TP63: variants seen among roughly 807,000 people sequenced by gnomAD.
TP63 encodes the protein tumor protein p63, also known as tumor protein 63.
TP63 carries 17 observed loss-of-function variants against 82.8 expected under a neutral mutation model. The ratio of observed to expected loss-of-function variants is 0.21; its 90% CI spans 0.14 to 0.31. The LOEUF (loss-of-function observed/expected upper bound fraction) is 0.31. TP63 is among the 10% of genes least tolerant of loss of function. TP63 has a pLI of 1.00. For missense variants in TP63, 648 were observed against 895.3 expected (o/e 0.72, Z 3.52); for synonymous variants, 330 against 321.7 (o/e 1.03, Z -0.28).
Position 189,867,809 on chromosome 3 carries a change from A to G in TP63, c.883-24A>G, listed in dbSNP as rs368829847. 72 of 1,602,152 alleles carry G rather than the reference A, an allele frequency of 4.5e-5. No individual in the cohort carries two copies. The African/African-American group carries it at 8.3e-4, about 18-fold the overall frequency. On this transcript the variant is annotated intron_variant, in intron 6 of 13. Transcript: ENST00000264731. ...CGTCAGTTTAAACCCTTGTTAACACAGATTATTTACCCCTTGTTTTCAGGT... is the reference window on the plus strand; with the variant it reads ...CGTCAGTTTAAACCCTTGTTAACACGGATTATTTACCCCTTGTTTTCAGGT...
intron 1 of TP63, among the ~76,000 whole-genome samples, chr3:189,632,154 T>G (rs1163443229): frequency 6.6e-6 from 1 of 152,280 alleles, no homozygotes; most frequent in South Asian, 2.1e-4. Context: ...TTAGTGAGGG[T>G]GCACAATTGT....
intron 3 of TP63, among the ~76,000 whole-genome samples, chr3:189,772,348 A>ATCC (rs1723442368): frequency 6.6e-6 from 1 of 152,202 alleles, no homozygotes; most frequent in Non-Finnish European, 1.5e-5. Flanking sequence ...CGCATTGCTA[A>ATCC]TTGGTGATGG....
At chr3:189,683,408 G>A (rs1415288428) in intron 1 of TP63, among the ~76,000 whole-genome samples, 1 of 152,196 alleles carries the variant, frequency 6.6e-6, no homozygotes, top group Non-Finnish European at 1.5e-5. Context: ...GCTGCCTTGT[G>A]AAGCTCCTAC....
chr3:189,710,178 C>A (rs930145998), intron 1 of TP63, among the ~76,000 whole-genome samples: 2 of 152,088 alleles, frequency 1.3e-5, no homozygotes. Context: ...AGAAAACATA[C>A]CTTCACTGTG....
chr3:189,875,689 G>A (rs78411277), intron 10 of TP63, among the ~76,000 whole-genome samples: 18,048 of 137,012 alleles, frequency 0.13, 1,535 homozygotes, highest in South Asian at 0.21. Context: ...AGATAAATGC[G>A]TGGATCTCCT....
chr3:189,846,611 GGTGTGTGT>G (rs71861936), intron 4 of TP63, among the ~76,000 whole-genome samples: 18 of 141,256 alleles, frequency 1.3e-4, no homozygotes, highest in African/African-American at 1.9e-4. Flanking sequence ...TGGCCAGTAG[GGTGTGTGT>G]GTGTGTGTGT....
intron 4 of TP63, 41 bp from the exon 5 acceptor site, chr3:189,864,191 G>A (rs1164691610): frequency 9.3e-6 from 15 of 1,612,504 alleles, no homozygotes; most frequent in Non-Finnish European, 1.2e-5. Context: ...TCTCCTGTTG[G>A]TTCTCTCCTT....
chr3:189,726,954 TCTG>T (rs1443248023), intron 1 of TP63, among the ~76,000 whole-genome samples: 1 of 152,232 alleles, frequency 6.6e-6, no homozygotes, highest in African/African-American at 2.4e-5. Flanking sequence ...ACTCCTGAAT[TCTG>T]CTGTTGTAGC....
At position 189,896,809 on chromosome 3, in the gene TP63, C is replaced by CCCCT. The variant is rs1721507774; in HGVS notation, c.*2307_*2308insCCCT. The stretch of plus-strand genomic sequence containing the variant: ...TACTCTCCTTGAGTGTATGAGTAGC[C>CCCCT]AGGGTAAGGGGTAAAAGGATAGTAA... On this transcript the variant is annotated 3_prime_UTR_variant, in exon 14 of 14. Transcript: ENST00000264731. 1 of 209,272 alleles carries CCCCT rather than the reference C, an allele frequency of 4.8e-6. No homozygotes were observed. The highest frequency in any genetic ancestry group is 9.7e-6 in the Non-Finnish European group (1 of 102,616). 13.0% of individuals were successfully genotyped at this position (209,272 alleles called of 1,614,324 possible).
intron 10 of TP63, among the ~76,000 whole-genome samples, chr3:189,876,345 A>G (rs978128770): frequency 2.0e-5 from 3 of 152,100 alleles, no homozygotes; most frequent in African/African-American, 4.8e-5. Flanking sequence ...ACCGGCTCAC[A>G]TTGCTCTAAA....
intron 1 of TP63, among the ~76,000 whole-genome samples, chr3:189,680,918 G>A (rs1715852016): frequency 6.6e-6 from 1 of 152,150 alleles, no homozygotes; most frequent in Non-Finnish European, 1.5e-5. Flanking sequence ...TGGAGTCTGG[G>A]TCTGCAAGGG....
At chr3:189,814,339 T>C (rs1363344156) in intron 4 of TP63, among the ~76,000 whole-genome samples, 1 of 152,166 alleles carries the variant, frequency 6.6e-6, no homozygotes, top group African/African-American at 2.4e-5. Flanking sequence ...TGGAAGCACT[T>C]CCCCCATTAA....
intron 1 of TP63, among the ~76,000 whole-genome samples, chr3:189,715,309 G>C (rs989323776): frequency 6.6e-6 from 1 of 152,176 alleles, no homozygotes; most frequent in African/African-American, 2.4e-5. Flanking sequence ...TGTGTGAGAA[G>C]GCTGATTATA....
upstream of TP63, among the ~76,000 whole-genome samples, chr3:189,629,368 G>A (rs572979795): frequency 6.6e-5 from 10 of 152,176 alleles, no homozygotes; most frequent in African/African-American, 2.4e-4. Context: ...GGGTGACAGT[G>A]CAAGAAGCTG....
the TP63 span, among the ~76,000 whole-genome samples, chr3:189,609,079 T>C: frequency 6.6e-6 from 1 of 152,212 alleles, no homozygotes; most frequent in Non-Finnish European, 1.5e-5. Context: ...TGTGTTCTTA[T>C]ATTCTCTGAA....
At chr3:189,780,860 G>T (rs993484982) in intron 3 of TP63, among the ~76,000 whole-genome samples, 2 of 152,158 alleles carry the variant, frequency 1.3e-5, no homozygotes, top group African/African-American at 2.4e-5. Flanking sequence ...CCTGGGTCCA[G>T]CTAAGGTTTC....
intron 4 of TP63, among the ~76,000 whole-genome samples, chr3:189,853,393 C>T (rs1199357214): frequency 6.6e-6 from 1 of 152,204 alleles, no homozygotes; most frequent in Non-Finnish European, 1.5e-5. Flanking sequence ...TTAACTCCTA[C>T]CACTGCAGGC....
upstream of TP63, among the ~76,000 whole-genome samples, chr3:189,626,852 T>G (rs1040864319): frequency 6.6e-6 from 1 of 152,106 alleles, no homozygotes; most frequent in African/African-American, 2.4e-5. Flanking sequence ...CTTTCTGAGA[T>G]GTGTGGTTTT....
At chr3:189,819,897 C>T (rs889707333) in intron 4 of TP63, among the ~76,000 whole-genome samples, 6 of 151,682 alleles carry the variant, frequency 4.0e-5, no homozygotes, top group Non-Finnish European at 5.9e-5. Flanking sequence ...ATTACAGGCG[C>T]GTGACTCCAT....
Sources: gnomAD v4.1 joint callset for allele counts (sites outside exome capture counted in the v4.1 genomes callset) on GRCh38, gnomAD v4.1.1 for gene constraint, MANE v1.5 for transcripts, NCBI Gene and HGNC (gene_info 2026-07-23, HGNC 2026-07-21) for gene names.